The following HMGCS2 variants were observed in gnomAD, a reference collection of about 807,000 sequenced individuals.
HMGCS2 encodes the protein hydroxymethylglutaryl-CoA synthase, mitochondrial.
In HMGCS2, 50 loss-of-function variants were observed where a neutral mutation model predicts 57.4. The ratio of observed to expected loss-of-function variants is 0.87; its 90% CI spans 0.69 to 1.10. HMGCS2 has a LOEUF of 1.10. Among genes scored for constraint, HMGCS2 ranks in the 50% least tolerant of loss-of-function variants. HMGCS2 has a pLI of 0.00. For synonymous variants in HMGCS2, 254 were observed against 245.1 expected (o/e 1.04, Z -0.34); for missense variants, 627 against 636.5 (o/e 0.99, Z 0.16).
In HMGCS2 at chr1:119,764,416, C is replaced by T; in HGVS notation, c.315G>A (p.Leu105=). ...TCAGCCGTTGCACCACCGTCAGGCA[C>T]AGGGAGTTGATGTCCTCTTGGACTG... ...FCSVQEDINS[L]CLTVVQRLME... Residue 105 remains leucine, a synonymous_variant, in exon 2 of 10, where the codon CTG becomes CTA. Transcript: ENST00000369406. The T allele has an allele frequency of 1.2e-6, 2 of 1,614,258 alleles. No homozygotes were observed. The highest frequency in any genetic ancestry group is 1.7e-6 in the Non-Finnish European group (2 of 1,180,048).
At chr1:119,750,943 G>T (rs1238830380) in intron 8 of HMGCS2, 35 bp from the exon 9 acceptor site, 1 of 1,244,300 alleles carries the variant, frequency 8.0e-7, no homozygotes, top group South Asian at 1.2e-5. Flanking sequence ...TACTCACAAA[G>T]AGTTATATGA....
chr1:119,752,718 T>G (rs766988262), intron 7 of HMGCS2, 44 bp from the exon 8 acceptor site: 4 of 1,611,114 alleles, frequency 2.5e-6, no homozygotes, highest in Non-Finnish European at 3.4e-6. Flanking sequence ...TCATTGTCAT[T>G]ATCACTATTG....
Position 119,750,722 on chromosome 1 carries a change from C to T in HMGCS2, c.*5+75G>A, listed in dbSNP as rs1377617085. On this transcript the variant is annotated intron_variant, in intron 9 of 9. Coordinates refer to ENST00000369406, the MANE Select transcript of HMGCS2 (RefSeq NM_005518.4). ...TTTCTTCTCCCTGCACCTGTCCCCA[C>T]CTTCTCTCTCTGTGTTGTTACTCAG... 8.6e-6 allele frequency: 8 copies of T among 930,098 alleles called. No homozygotes were observed. In the East Asian group the frequency reaches 9.8e-5, roughly 11 times the overall value. 57.6% of individuals were successfully genotyped at this position (930,098 alleles called of 1,614,324 possible).
chr1:119,766,114 C>T (rs957566866), intron 1 of HMGCS2, among the ~76,000 whole-genome samples: 1 of 152,124 alleles, frequency 6.6e-6, no homozygotes, highest in Non-Finnish European at 1.5e-5. Flanking sequence ...TCTTAATATC[C>T]CTGGCGAAAA....
chr1:119,767,066 A>T (rs1041940271), intron 1 of HMGCS2, among the ~76,000 whole-genome samples: 3 of 152,130 alleles, frequency 2.0e-5, no homozygotes, highest in Non-Finnish European at 4.4e-5. Flanking sequence ...TTTCAAAATT[A>T]ATTACTACAC....
intron 1 of HMGCS2, among the ~76,000 whole-genome samples, chr1:119,766,166 T>G (rs1367317271): frequency 6.6e-6 from 1 of 152,190 alleles, no homozygotes; most frequent in Non-Finnish European, 1.5e-5. Flanking sequence ...GAGGTGAACT[T>G]GGTGATCTCT....
At chr1:119,755,159 C>T (rs1172980516) in intron 6 of HMGCS2, among the ~76,000 whole-genome samples, 1 of 152,086 alleles carries the variant, frequency 6.6e-6, no homozygotes, top group East Asian at 1.9e-4. Context: ...TGGGACCACA[C>T]GTGCACACAA....
At chr1:119,760,105 A>C in intron 2 of HMGCS2, 116 bp from the exon 3 acceptor site, 1 of 963,418 alleles carries the variant, frequency 1.0e-6, no homozygotes, top group South Asian at 1.4e-5. Context: ...AACAAAATAA[A>C]AAATCCCAGT....
At position 119,757,401 on chromosome 1, in the gene HMGCS2, C is replaced by G; in HGVS notation, c.888G>C (p.Gln296His). The G allele has an allele frequency of 6.2e-7, 1 of 1,614,136 alleles. No individual in the cohort carries two copies. The highest frequency in any genetic ancestry group is 8.5e-7 in the Non-Finnish European group (1 of 1,180,006). Residue 296 changes from glutamine to histidine, a missense_variant, in exon 5 of 10, where the codon CAG becomes CAC. Physicochemically the swap from Gln to His is conservative, Grantham distance 24. Coordinates refer to ENST00000369406, the MANE Select transcript of HMGCS2 (RefSeq NM_005518.4). ...SDRPFTLDDL[Q>H]YMIFHTPFCK... ...AAAAGGGTGTATGAAAGATCATGTA[C>G]TGTAAATCGTCAAGGGTGAAGGGTC...
intron 4 of HMGCS2, 66 bp downstream of exon 4, chr1:119,759,052 C>A: frequency 6.8e-7 from 1 of 1,473,770 alleles, no homozygotes; most frequent in Non-Finnish European, 9.5e-7. Context: ...CATCTCATGG[C>A]CTTTGGGTAC....
chr1:119,753,431 A>G (rs1425109012), intron 6 of HMGCS2, 45 bp from the exon 7 acceptor site: 1 of 813,726 alleles, frequency 1.2e-6, no homozygotes, highest in Non-Finnish European at 2.2e-6. Context: ...ACACACACAC[A>G]CACACACACA....
rs1491205291 is a variant in HMGCS2, at chr1:119,753,446, CAT to C, written c.1188-62_1188-61del. Reference sequence around the variant, plus strand: ...ACACACACACACACACACACACACACATATATGTATATATATATTATATTCTG... The same window carrying C: ...ACACACACACACACACACACACACACATATGTATATATATATTATATTCTG... On this transcript the variant is annotated intron_variant, in intron 6 of 9. Coordinates refer to ENST00000369406, the MANE Select transcript of HMGCS2 (RefSeq NM_005518.4). The C allele has an allele frequency of 1.3e-3, 753 of 580,698 alleles. 1 individual carries two copies. Among genetic ancestry groups the C allele is most frequent in the African/African-American group, 0.012 (574 of 49,074 alleles). The allele number at this position is 580,698 out of a possible 1,614,324, so 36.0% of individuals were successfully genotyped here. A position where few individuals can be genotyped will look rare whatever the true frequency, so the allele number is the denominator to read the frequency against.
rs1553240285 is a variant in HMGCS2 at position 119,756,967 on chromosome 1, A to AGTCTCTTTCTCCCTTC, written c.1016+305_1016+306insGAAGGGAGAAAGAGAC. On this transcript the variant is annotated intron_variant, in intron 5 of 9. Coordinates refer to ENST00000369406, the MANE Select transcript of HMGCS2 (RefSeq NM_005518.4). ...TGTTTATTGACTGAATGATTTAGCTACTCTCTTTCTCCCTTCCTCTCTTTC... is the reference window on the plus strand; with the variant it reads ...TGTTTATTGACTGAATGATTTAGCTAGTCTCTTTCTCCCTTCCTCTCTTTCTCCCTTCCTCTCTTTC... Among the ~76,000 whole-genome samples, 23 of 151,606 alleles carry AGTCTCTTTCTCCCTTC rather than the reference A, an allele frequency of 1.5e-4. No homozygotes were observed. The South Asian group carries it at 4.2e-3, about 28-fold the overall frequency.
At position 119,752,543 on chromosome 1, in the gene HMGCS2, T is replaced by C; in HGVS notation, c.1420+6A>G. 1 of 1,613,948 alleles carries C rather than the reference T, an allele frequency of 6.2e-7. No homozygotes were observed. Among genetic ancestry groups the C allele is most frequent in the Non-Finnish European group, 8.5e-7 (1 of 1,179,846 alleles). On this transcript the variant is annotated splice_donor_region_variant and intron_variant, in intron 8 of 9. Transcript: ENST00000369406. ...TCTCTTCCTCTCTTCCTGACTTTTT[T>C]CTTACCCTTATGGTAGAATTGCTCT... is the stretch of plus-strand genomic sequence containing the variant.
rs1410967304 is a variant in HMGCS2 at position 119,759,973 on chromosome 1, C to A, written c.576G>T (p.Val192=). ...SSSWDGRYAM[V]VCGDIAVYPS... ...GATAGACGGCAATGTCTCCACAGAC[C>A]ACCATGGCATAACGACCTGTAAAGA... The change falls in exon 3 of 10, where the codon GTG becomes GTT. Residue 192 remains valine, a synonymous_variant. Transcript: ENST00000369406. 1.2e-6 allele frequency: 2 copies of A among 1,614,074 alleles called. No homozygotes were observed. The highest frequency in any genetic ancestry group is 1.7e-6 in the Non-Finnish European group (2 of 1,179,912).
intron 2 of HMGCS2, among the ~76,000 whole-genome samples, chr1:119,762,636 C>T (rs1653086940): frequency 6.6e-6 from 1 of 152,192 alleles, no homozygotes; most frequent in African/African-American, 2.4e-5. Flanking sequence ...TTCTCATTCA[C>T]ACTGGCATCC....
chr1:119,758,517 CG>C (rs1652927253), intron 4 of HMGCS2, among the ~76,000 whole-genome samples: 1 of 152,144 alleles, frequency 6.6e-6, no homozygotes, highest in African/African-American at 2.4e-5. Context: ...GGATTACAGG[CG>C]TGAGCCACCA....
intron 9 of HMGCS2, among the ~76,000 whole-genome samples, chr1:119,750,488 C>T (rs1048838928): frequency 6.6e-6 from 1 of 152,206 alleles, no homozygotes; most frequent in Non-Finnish European, 1.5e-5. Context: ...CAGCTTTTGC[C>T]TTTCCAAGGC....
chr1:119,751,063 C>CT (rs1233431510), intron 8 of HMGCS2, among the ~76,000 whole-genome samples, 155 bp from the exon 9 acceptor site: 1 of 152,162 alleles, frequency 6.6e-6, no homozygotes. Context: ...AAATAGAACA[C>CT]TGGACCCACA....
Sources: allele counts gnomAD v4.1 joint callset (sites outside exome capture counted in the v4.1 genomes callset), GRCh38; gene constraint gnomAD v4.1.1; transcripts MANE v1.5; gene names NCBI Gene and HGNC (gene_info 2026-07-23, HGNC 2026-07-21).